The following ZNF596 variants were observed in gnomAD, a reference collection of about 807,000 sequenced individuals.
The protein encoded by ZNF596 is zinc finger protein 596.
A neutral mutation model predicts 48.3 loss-of-function variants in ZNF596; 45 were observed. That is an observed-to-expected ratio of 0.93 (90% CI 0.73 to 1.19). The LOEUF (loss-of-function observed/expected upper bound fraction) is 1.19. Ranked by LOEUF, ZNF596 falls within the 50% of genes most tolerant of loss-of-function variation. The pLI, the probability that ZNF596 is intolerant of heterozygous loss-of-function variation, is 0.00. For missense variants in ZNF596, 848 were observed against 599.7 expected (o/e 1.41, Z -4.32); for synonymous variants, 270 against 202.0 (o/e 1.34, Z -2.85).
At chr8:232,942 C>G (rs918208734) in intron 1 of ZNF596, 1 of 468,904 alleles carries the variant, frequency 2.1e-6, no homozygotes, top group African/African-American at 2.1e-5. Context: ...TCTGCACAAT[C>G]GCCTCCCACT....
Position 245,692 on chromosome 8 carries a change from A to G in ZNF596, c.845A>G (p.His282Arg), listed in dbSNP as rs200503598. 5.0e-6 allele frequency: 8 copies of G among 1,614,068 alleles called. No homozygotes were observed. The highest frequency in any genetic ancestry group is 4.0e-5 in the African/African-American group (3 of 74,948). Reference sequence around the variant, plus strand: ...ACTAGAGAAAAAGCACAGATATGCCATCTATGTGGGAAAGCCTTCACTCAT... The same window carrying G: ...ACTAGAGAAAAAGCACAGATATGCCGTCTATGTGGGAAAGCCTTCACTCAT... ...IHTREKAQIC[H>R]LCGKAFTHCS... is the part of the protein sequence containing the mutation. The change falls in exon 6 of 6, where the codon CAT becomes CGT. Residue 282 changes from histidine to arginine, a missense_variant. Physicochemically the swap from His to Arg is conservative, Grantham distance 29 (BLOSUM62 0). Transcript: ENST00000398612.
chr8:240,459 C>A (rs889148108), intron 1 of ZNF596: 40 of 180,938 alleles, frequency 2.2e-4, no homozygotes, highest in Non-Finnish European at 3.8e-4. Context: ...GCACACAAAC[C>A]GAGAATAATT....
rs1178273923 is a variant in ZNF596, at chr8:246,507, G to C, written c.*145G>C. The C allele has an allele frequency of 3.7e-6, 4 of 1,067,878 alleles. No individual in the cohort carries two copies. In the African/African-American group the frequency reaches 6.4e-5, roughly 17 times the overall value. The allele number at this position is 1,067,878 out of a possible 1,614,324, so 66.2% of individuals were successfully genotyped here. On this transcript the variant is annotated 3_prime_UTR_variant, in exon 6 of 6. Coordinates refer to ENST00000398612, the MANE Select transcript of ZNF596 (RefSeq NM_001042416.3). ...ATGAATTCAAGGTAGAGAGAATCCA[G>C]ATGTATTTAATGTTTATGGCACAAA...
chr8:242,161 C>G (rs1398737788), intron 2 of ZNF596, among the ~76,000 whole-genome samples: 1 of 152,150 alleles, frequency 6.6e-6, no homozygotes, highest in Admixed American at 6.6e-5. Flanking sequence ...TGGAAAGTGG[C>G]AGGATGAGAC....
intron 3 of ZNF596, chr8:243,221 A>G (rs1796925355): frequency 4.9e-6 from 2 of 409,906 alleles, no homozygotes; most frequent in Admixed American, 8.4e-5. Flanking sequence ...TCTCTCTAGA[A>G]AGTCATCTTT....
intron 5 of ZNF596, 107 bp downstream of exon 5, chr8:244,808 G>C (rs1796997859): frequency 5.7e-6 from 5 of 880,610 alleles, no homozygotes; most frequent in African/African-American, 1.7e-5. Context: ...CCTCCCAGCA[G>C]TTTTAGATAG....
intron 1 of ZNF596, among the ~76,000 whole-genome samples, chr8:236,073 A>G (rs1386784254): frequency 6.6e-6 from 1 of 152,168 alleles, no homozygotes; most frequent in Non-Finnish European, 1.5e-5. Flanking sequence ...CTCCATTCTA[A>G]TAATAGGATT....
chr8:245,419 G>T lies in ZNF596; in HGVS notation c.572G>T (p.Arg191Ile). 1 of 1,614,172 alleles carries T rather than the reference G, an allele frequency of 6.2e-7. No homozygotes were observed. Among genetic ancestry groups the T allele is most frequent in the Non-Finnish European group, 8.5e-7 (1 of 1,180,022 alleles). The change falls in exon 6 of 6, where the codon AGA (arginine) becomes ATA (isoleucine). Residue 191 changes from arginine (R) to isoleucine (I), a missense_variant. Arg to Ile is a moderately conservative substitution (Grantham distance 97, BLOSUM62 -3). Transcript: ENST00000398612. ...ALRPHSVTHTREITLECRVCG... is the reference protein window; with the variant it reads ...ALRPHSVTHTIEITLECRVCG... ...AGACCACACAGTGTGACTCACACTA[G>T]AGAGATAACATTGGAATGTCGTGTG...
Position 246,717 on chromosome 8 carries a change from A to T in ZNF596, c.*355A>T, listed in dbSNP as rs949791584. 3.7e-5 allele frequency: 7 copies of T among 188,204 alleles called. No individual in the cohort carries two copies. In the Admixed American group the frequency reaches 3.8e-4, roughly 10 times the overall value. 11.7% of individuals were successfully genotyped at this position (188,204 alleles called of 1,614,324 possible). On this transcript the variant is annotated 3_prime_UTR_variant, in exon 6 of 6. Transcript: ENST00000398612. ...ATTTATCCTCTAAACAAATGAGTAA[A>T]ATCCACAGGCAAGCAACCATATGTC...
Position 245,653 on chromosome 8 carries a change from A to G in ZNF596, c.806A>G (p.His269Arg). 1 of 1,614,082 alleles carries G rather than the reference A, an allele frequency of 6.2e-7. No individual in the cohort carries two copies. Reference protein sequence around the residue: ...AFSKSSNLRRHEMIHTREKAQ... With the variant: ...AFSKSSNLRRREMIHTREKAQ... ...AGTAAAAGTTCTAACCTTAGACGAC[A>G]TGAGATGATTCACACTAGAGAAAAA... is the stretch of plus-strand genomic sequence containing the variant. Residue 269 changes from histidine to arginine, a missense_variant, in exon 6 of 6, where the codon CAT becomes CGT. By Grantham distance (29) the His-to-Arg change is conservative (BLOSUM62 0). Coordinates refer to ENST00000398612, the MANE Select transcript of ZNF596 (RefSeq NM_001042416.3).
intron 1 of ZNF596, chr8:233,706 C>T (rs1796514264): frequency 6.6e-6 from 1 of 151,610 alleles, no homozygotes; most frequent in Non-Finnish European, 1.5e-5. Context: ...CCAAAGCTCA[C>T]CTTTTATGTT....
rs903345692 is a variant in ZNF596 at position 246,510 on chromosome 8, G to T, written c.*148G>T. On this transcript the variant is annotated 3_prime_UTR_variant, in exon 6 of 6. Coordinates refer to ENST00000398612, the MANE Select transcript of ZNF596 (RefSeq NM_001042416.3). ...AATTCAAGGTAGAGAGAATCCAGAT[G>T]TATTTAATGTTTATGGCACAAACTT... is the stretch of plus-strand genomic sequence containing the variant. 9.8e-7 allele frequency: 1 copy of T among 1,022,578 alleles called. No homozygotes were observed. The highest frequency in any genetic ancestry group is 1.4e-6 in the Non-Finnish European group (1 of 726,154). The allele number at this position is 1,022,578 out of a possible 1,614,324, so 63.3% of individuals were successfully genotyped here. A position where few individuals can be genotyped will look rare whatever the true frequency, so the allele number is the denominator to read the frequency against.
chr8:245,213 A>C lies in ZNF596; in HGVS notation c.366A>C (p.Gln122His). 2 of 1,613,390 alleles carry C rather than the reference A, an allele frequency of 1.2e-6. No homozygotes were observed. The highest frequency in any genetic ancestry group is 1.1e-5 in the South Asian group (1 of 90,920). Reference protein sequence around the residue: ...LCNDLGEDFTQHIALTQNVIT... With the variant: ...LCNDLGEDFTHHIALTQNVIT... ...ATGACTTAGGAGAAGATTTCACTCAACATATAGCATTGACTCAAAATGTGA... is the reference window on the plus strand; with the variant it reads ...ATGACTTAGGAGAAGATTTCACTCACCATATAGCATTGACTCAAAATGTGA... The change falls in exon 6 of 6, where the codon CAA becomes CAC. Residue 122 changes from glutamine (Q) to histidine (H), a missense_variant. By Grantham distance (24) the Gln-to-His change is conservative (BLOSUM62 0). Transcript: ENST00000398612.
chr8:238,565 C>G (rs972609388), intron 1 of ZNF596, among the ~76,000 whole-genome samples: 1 of 147,110 alleles, frequency 6.8e-6, no homozygotes, highest in African/African-American at 2.6e-5. Flanking sequence ...CTTTGAGAGG[C>G]CGAGGTAGGC....
intron 1 of ZNF596, chr8:237,405 G>A (rs1161626456): frequency 6.6e-6 from 1 of 151,896 alleles, no homozygotes; most frequent in African/African-American, 2.4e-5. Flanking sequence ...TCTTTTTCTT[G>A]GTTTATGAGT....
intron 1 of ZNF596, chr8:234,584 C>T (rs1584899185): frequency 6.6e-6 from 1 of 152,326 alleles, no homozygotes; most frequent in East Asian, 1.9e-4. Context: ...TTAGATATGG[C>T]ACTTTCACTG....
In ZNF596 at chr8:243,822, A is replaced by C. The variant is rs1192660912; in HGVS notation, c.223+17A>C. 1.2e-6 allele frequency: 2 copies of C among 1,607,986 alleles called. No homozygotes were observed. Among genetic ancestry groups the C allele is most frequent in the Non-Finnish European group, 1.7e-6 (2 of 1,176,040 alleles). The stretch of plus-strand genomic sequence containing the variant: ...TACTGCAAGGTGAGCTCTAAGAAGC[A>C]GTGCTTCAATAGGAGGAGGAGAAAC... On this transcript the variant is annotated intron_variant, in intron 4 of 5. Coordinates refer to ENST00000398612, the MANE Select transcript of ZNF596 (RefSeq NM_001042416.3).
At chr8:239,894 C>T (rs1228976119) in intron 1 of ZNF596, among the ~76,000 whole-genome samples, 1 of 152,138 alleles carries the variant, frequency 6.6e-6, no homozygotes, top group Non-Finnish European at 1.5e-5. Flanking sequence ...TGATCACCCC[C>T]CATCCTAGAG....
chr8:232,388 G>T, upstream of ZNF596: 1 of 181,794 alleles, frequency 5.5e-6, no homozygotes, highest in Non-Finnish European at 1.3e-5. Flanking sequence ...ACCCGGAAAC[G>T]GATTCTCCGG....
Sources: gnomAD v4.1 joint callset for allele counts (sites outside exome capture counted in the v4.1 genomes callset) on GRCh38, gnomAD v4.1.1 for gene constraint, MANE v1.5 for transcripts, NCBI Gene and HGNC (gene_info 2026-07-23, HGNC 2026-07-21) for gene names.